Variants in WDR76 observed in about 807,000 individuals in gnomAD.
WDR76 encodes WD repeat domain 76.
Under a neutral mutation model 70.2 loss-of-function variants are expected in WDR76, and 52 were observed. The ratio of observed to expected loss-of-function variants is 0.74; its 90% CI spans 0.59 to 0.93. The LOEUF is 0.93. Among genes scored for constraint, WDR76 ranks in the 40% least tolerant of loss-of-function variants. The pLI, the probability that WDR76 is intolerant of heterozygous loss-of-function variation, is 0.00. For missense variants in WDR76, 756 were observed against 760.2 expected, an observed-to-expected ratio of 0.99 and a Z score of 0.07; for synonymous variants, 292 against 271.1, an observed-to-expected ratio of 1.08 and a Z score of -0.76.
intron 4 of WDR76, among the ~76,000 whole-genome samples, chr15:43,836,520 T>C (rs2087658274): frequency 6.6e-6 from 1 of 152,208 alleles, no homozygotes; most frequent in Non-Finnish European, 1.5e-5. Flanking sequence ...AAGATTCTTC[T>C]ACTTACTTTT....
intron 8 of WDR76, among the ~76,000 whole-genome samples, chr15:43,845,798 G>A (rs1438554132): frequency 1.3e-5 from 2 of 150,264 alleles, no homozygotes; most frequent in African/African-American, 4.8e-5. Context: ...AATGTTCTCT[G>A]AATTTATTTT....
intron 12 of WDR76, among the ~76,000 whole-genome samples, chr15:43,865,203 C>T (rs909159380): frequency 3.4e-5 from 5 of 146,010 alleles, no homozygotes; most frequent in African/African-American, 1.3e-4. Context: ...TCAAGCAATT[C>T]TCCTGCCTCA....
rs192180656 is a variant in WDR76, at chr15:43,837,053, A to G, written c.608+837A>G. ...GAGACTCCATCTCACAAAAAAAAAA[A>G]AAACAAAAAAAAACAACTATTTGCT... is the stretch of plus-strand genomic sequence containing the variant. On this transcript the variant is annotated intron_variant, in intron 4 of 12. Coordinates refer to ENST00000263795, the MANE Select transcript of WDR76 (RefSeq NM_024908.4). Among the ~76,000 whole-genome samples, 100 of 151,816 alleles carry G rather than the reference A, an allele frequency of 6.6e-4. 1 individual carries two copies. Among genetic ancestry groups the G allele is most frequent in the African/African-American group, 2.3e-3 (96 of 41,400 alleles).
chr15:43,866,703 C>T lies in WDR76; in HGVS notation c.*311C>T, dbSNP rs1219714650. Reference sequence around the variant, plus strand: ...GTGCAATAGCGCGATCTTGGCTCACCGCAACCTCCGCCTCCCAGGTTCAAG... The same window carrying T: ...GTGCAATAGCGCGATCTTGGCTCACTGCAACCTCCGCCTCCCAGGTTCAAG... On this transcript the variant is annotated 3_prime_UTR_variant, in exon 13 of 13. Coordinates refer to ENST00000263795, the MANE Select transcript of WDR76 (RefSeq NM_024908.4). 4 of 236,216 alleles carry T rather than the reference C, an allele frequency of 1.7e-5. No individual in the cohort carries two copies. Among genetic ancestry groups the T allele is most frequent in the African/African-American group, 6.9e-5 (3 of 43,402 alleles). The allele number at this position is 236,216 out of a possible 1,614,324, so 14.6% of individuals were successfully genotyped here. A position where few individuals can be genotyped will look rare whatever the true frequency, so the allele number is the denominator to read the frequency against.
At position 43,851,211 on chromosome 15, in the gene WDR76, G is replaced by A. The variant is rs1426234313; in HGVS notation, c.1157G>A (p.Arg386His). ...TCACTGAGCTATGATGGCACGTTAC[G>A]CTGTGGGGATTTTTCCAGGGCTATT... ...ILSLSYDGTL[R>H]CGDFSRAIFE... Residue 386 changes from arginine to histidine, a missense_variant, in exon 9 of 13, where the codon CGC (arginine) becomes CAC (histidine). Physicochemically the swap from Arg to His is conservative, Grantham distance 29. Transcript: ENST00000263795. 7 of 1,613,996 alleles carry A rather than the reference G, an allele frequency of 4.3e-6. No individual in the cohort carries two copies. In the Admixed American group the frequency reaches 6.7e-5, roughly 15 times the overall value.
chr15:43,828,619 TCTAAA>T (rs1227033594), intron 2 of WDR76, among the ~76,000 whole-genome samples: 4 of 152,244 alleles, frequency 2.6e-5, no homozygotes, highest in African/African-American at 7.2e-5. Flanking sequence ...TTTTTCTTTC[TCTAAA>T]CTAACTGCAT....
intron 7 of WDR76, among the ~76,000 whole-genome samples, chr15:43,843,373 T>G (rs1271990258): frequency 6.6e-6 from 1 of 152,190 alleles, no homozygotes. Context: ...TCTTTAAAAT[T>G]ATTGAATAAT....
intron 2 of WDR76, among the ~76,000 whole-genome samples, chr15:43,830,806 G>A (rs896483638): frequency 1.3e-5 from 2 of 152,176 alleles, no homozygotes; most frequent in South Asian, 4.2e-4. Context: ...CGGCACTTTG[G>A]GAGGCCACGG....
intron 10 of WDR76, among the ~76,000 whole-genome samples, chr15:43,857,992 T>G (rs1426363727): frequency 7.4e-6 from 1 of 134,654 alleles, no homozygotes; most frequent in Non-Finnish European, 1.6e-5. Flanking sequence ...TGAGATGGAA[T>G]CTTACTCTCA....
intron 5 of WDR76, among the ~76,000 whole-genome samples, chr15:43,841,671 C>G (rs1280565733): frequency 6.6e-6 from 1 of 152,040 alleles, no homozygotes. Context: ...TTCACTACAA[C>G]AAATTGCTAG....
At chr15:43,834,129 A>G (rs1387270306) in intron 2 of WDR76, among the ~76,000 whole-genome samples, 1 of 151,432 alleles carries the variant, frequency 6.6e-6, no homozygotes, top group Non-Finnish European at 1.5e-5. Flanking sequence ...TATTTTTTGA[A>G]TTTTCTTTTC....
rs1362907027 is a variant in WDR76, at chr15:43,867,524, T to G, written c.*1132T>G. Reference sequence around the variant, plus strand: ...TAGTTACATATGCATATATATTTGTTAGGTATATATGTTTATGTGTATTCT... The same window carrying G: ...TAGTTACATATGCATATATATTTGTGAGGTATATATGTTTATGTGTATTCT... On this transcript the variant is annotated 3_prime_UTR_variant, in exon 13 of 13. Transcript: ENST00000263795. The G allele has an allele frequency of 6.6e-6, 1 of 151,434 alleles. No homozygotes were observed. The highest frequency in any genetic ancestry group is 1.5e-5 in the Non-Finnish European group (1 of 67,958). The allele number at this position is 151,434 out of a possible 1,614,324, so 9.4% of individuals were successfully genotyped here. A position where few individuals can be genotyped will look rare whatever the true frequency, so the allele number is the denominator to read the frequency against.
intron 12 of WDR76, among the ~76,000 whole-genome samples, chr15:43,864,976 G>C (rs1174685348): frequency 2.0e-5 from 3 of 152,322 alleles, no homozygotes; most frequent in African/African-American, 7.2e-5. Context: ...GGGGGCTGGA[G>C]TGCAGTGGCG....
intron 4 of WDR76, among the ~76,000 whole-genome samples, chr15:43,837,392 G>A (rs758499350): frequency 2.0e-5 from 3 of 152,212 alleles, no homozygotes; most frequent in Non-Finnish European, 4.4e-5. Context: ...TGGTCCTGTT[G>A]CCCGCTGATT....
rs570189460 is a variant in WDR76 at position 43,863,335 on chromosome 15, A to T, written c.1616+1949A>T. On this transcript the variant is annotated intron_variant, in intron 12 of 12. Coordinates refer to ENST00000263795, the MANE Select transcript of WDR76 (RefSeq NM_024908.4). ...GAATGGCTAAATCAAGCTAATTAAC[A>T]TATGTATTACCTCACGTACTTACCA... 1.3e-4 allele frequency among the ~76,000 whole-genome samples: 20 copies of T among 152,266 alleles called. No individual in the cohort carries two copies. The South Asian group carries it at 4.1e-3, about 32-fold the overall frequency.
Position 43,827,054 on chromosome 15 carries a change from G to A in WDR76, c.22G>A (p.Ala8Thr), listed in dbSNP as rs111847923. 27 of 1,614,158 alleles carry A rather than the reference G, an allele frequency of 1.7e-5. No homozygotes were observed. The African/African-American group carries it at 2.1e-4, about 13-fold the overall frequency. Residue 8 changes from alanine to threonine, a missense_variant, in exon 1 of 13, where the codon GCT (alanine) becomes ACT (threonine). Transcript: ENST00000263795. MSRSGAAAEKADSRQRPQ... is the reference protein window; with the variant it reads MSRSGAATEKADSRQRPQ... ...AAAGATGTCCAGGTCGGGCGCGGCGGCTGAGAAGGCGGACTCCAGACAGCG... is the reference window on the plus strand; with the variant it reads ...AAAGATGTCCAGGTCGGGCGCGGCGACTGAGAAGGCGGACTCCAGACAGCG...
intron 11 of WDR76, among the ~76,000 whole-genome samples, chr15:43,860,910 C>CTTTTTT (rs34504509): frequency 7.6e-5 from 6 of 78,994 alleles, no homozygotes; most frequent in African/African-American, 2.3e-4. Flanking sequence ...TGATCTTACT[C>CTTTTTT]TTTTTTTTTT....
intron 8 of WDR76, among the ~76,000 whole-genome samples, chr15:43,848,921 G>A (rs1018052955): frequency 7.3e-5 from 11 of 150,518 alleles, no homozygotes; most frequent in African/African-American, 2.7e-4. Flanking sequence ...CTGGGCGACA[G>A]AGTTGAGACT....
chr15:43,841,484 G>A (rs1007730913), intron 5 of WDR76, among the ~76,000 whole-genome samples: 6 of 151,872 alleles, frequency 4.0e-5, no homozygotes, highest in African/African-American at 1.2e-4. Flanking sequence ...ATGAGCCACC[G>A]CACCCGGCCC....
Sources: allele counts gnomAD v4.1 joint callset (sites outside exome capture counted in the v4.1 genomes callset), GRCh38; gene constraint gnomAD v4.1.1; transcripts MANE v1.5; gene names NCBI Gene and HGNC (gene_info 2026-07-23, HGNC 2026-07-21).